Variants in FBXL18 observed in about 807,000 individuals in gnomAD.
FBXL18 encodes the protein F-box and leucine rich repeat protein 18.
A neutral mutation model predicts 46.0 loss-of-function variants in FBXL18; 36 were observed. That is an observed-to-expected ratio of 0.78 (90% CI 0.60 to 1.03). FBXL18 has a LOEUF of 1.03. Ranked by LOEUF, FBXL18 falls within the 50% of genes least tolerant of loss-of-function variation. FBXL18 has a pLI of 0.00. For missense variants in FBXL18, 977 were observed against 1,004.1 expected, an observed-to-expected ratio of 0.97 and a Z score of 0.36; for synonymous variants, 557 against 465.3, an observed-to-expected ratio of 1.20 and a Z score of -2.54.
chr7:5,472,171 C>A (rs1783437158), downstream of FBXL18, among the ~76,000 whole-genome samples: 1 of 152,146 alleles, frequency 6.6e-6, no homozygotes, highest in African/African-American at 2.4e-5. Context: ...AAGCCGCTGC[C>A]CCCACTACAC....
In FBXL18 at chr7:5,511,992, T is replaced by C. The variant is rs567088354; in HGVS notation, c.18+1665A>G. ...GGCTCACGCCTGTAATCTCAGCACT[T>C]TGGGAGGCCGAAGAGGGTGGATCAC... is the stretch of plus-strand genomic sequence containing the variant. On this transcript the variant is annotated intron_variant, in intron 1 of 4. Coordinates refer to ENST00000382368, the MANE Select transcript of FBXL18 (RefSeq NM_024963.6). Among the ~76,000 whole-genome samples, 5 of 151,188 alleles carry C rather than the reference T, an allele frequency of 3.3e-5. No homozygotes were observed. In the South Asian group the frequency reaches 8.4e-4, roughly 25 times the overall value.
In FBXL18 at chr7:5,477,254, G is replaced by A. The variant is rs1419339881; in HGVS notation, c.*4521C>T. 6.6e-6 allele frequency among the ~76,000 whole-genome samples: 1 copy of A among 152,064 alleles called. No individual in the cohort carries two copies. The highest frequency in any genetic ancestry group is 1.5e-5 in the Non-Finnish European group (1 of 68,030). ...AAATGAGACCCATGACCATCACAAA[G>A]ACCCCCCAGCGTCGTGGTCAAGGCT... On this transcript the variant is annotated 3_prime_UTR_variant, in exon 5 of 5. Transcript: ENST00000382368. This position sits in a 1 kb window ranked among gnomAD's most constrained non-coding sequence, Gnocchi z 4.4.
intron 1 of FBXL18, among the ~76,000 whole-genome samples, chr7:5,512,162 A>G (rs111783036): frequency 6.7e-5 from 10 of 149,400 alleles, no homozygotes; most frequent in South Asian, 2.2e-4. Context: ...GAAGAATGGC[A>G]TGAACCCGGG....
Position 5,491,351 on chromosome 7 carries a change from G to A in FBXL18, c.1880C>T (p.Thr627Ile). 1.2e-6 allele frequency: 2 copies of A among 1,610,766 alleles called. No individual in the cohort carries two copies. Among genetic ancestry groups the A allele is most frequent in the East Asian group, 2.2e-5 (1 of 44,824 alleles). ...QRLCLVSRSG[T>I]LQPDAVLAFM... is the part of the protein sequence containing the mutation. ...GGCCAGCACGGCATCGGGCTGGAGG[G>A]TGCCGCTGCGAGAGACCAGGCACAG... Residue 627 changes from threonine (T) to isoleucine (I), a missense_variant, in exon 4 of 5, where the codon ACC (threonine) becomes ATC (isoleucine). Physicochemically the swap from Thr to Ile is moderately conservative, Grantham distance 89 (BLOSUM62 -1). Transcript: ENST00000382368.
chr7:5,491,074 G>A (rs557174002), intron 4 of FBXL18, among the ~76,000 whole-genome samples, 157 bp downstream of exon 4: 6 of 152,340 alleles, frequency 3.9e-5, no homozygotes, highest in African/African-American at 4.8e-5. Flanking sequence ...AGGCTGGGCC[G>A]TGGGAGACCA....
chr7:5,488,682 T>A (rs1253261937), intron 4 of FBXL18, among the ~76,000 whole-genome samples: 1 of 152,178 alleles, frequency 6.6e-6, no homozygotes, highest in East Asian at 1.9e-4. Context: ...TCCCACTGGC[T>A]GGAGGGCCTG....
intron 4 of FBXL18, among the ~76,000 whole-genome samples, chr7:5,463,694 C>CTATATATATATATATATATATATATA (rs1439946097): frequency 1.6e-5 from 1 of 61,500 alleles, no homozygotes; most frequent in African/African-American, 8.2e-5. Flanking sequence ...TGCCCCTGAA[C>CTATATATATATATATATATATATATA]TATATATATA....
intron 4 of FBXL18, 48 bp from the exon 5 acceptor site, chr7:5,481,979 G>T (rs777234277): frequency 1.3e-6 from 2 of 1,552,716 alleles, no homozygotes; most frequent in Non-Finnish European, 1.7e-6. Context: ...GGCCACGGAG[G>T]GGGCGGAGCC....
chr7:5,510,042 G>A (rs1411055304), intron 1 of FBXL18, among the ~76,000 whole-genome samples: 1 of 152,094 alleles, frequency 6.6e-6, no homozygotes, highest in East Asian at 1.9e-4. Flanking sequence ...TAGCTCATGC[G>A]TGTAATTCCA....
chr7:5,473,261 G>C (rs140929764), downstream of FBXL18, among the ~76,000 whole-genome samples: 331 of 152,210 alleles, frequency 2.2e-3, 2 homozygotes, highest in African/African-American at 7.6e-3. Flanking sequence ...AGGCATTGCT[G>C]AGTCCCTGGC....
At chr7:5,462,510 C>T (rs1344861678) in intron 4 of FBXL18, among the ~76,000 whole-genome samples, 1 of 152,102 alleles carries the variant, frequency 6.6e-6, no homozygotes, top group Admixed American at 6.6e-5. Context: ...CTGGGTCAGG[C>T]GTTGCAGGCA....
rs1393766009 is a variant in FBXL18 at position 5,480,328 on chromosome 7, C to T, written c.*1447G>A. 6.6e-6 allele frequency: 1 copy of T among 152,142 alleles called. No homozygotes were observed. Among genetic ancestry groups the T allele is most frequent in the Non-Finnish European group, 1.5e-5 (1 of 68,046 alleles). The allele number at this position is 152,142 out of a possible 1,614,324, so 9.4% of individuals were successfully genotyped here. On this transcript the variant is annotated 3_prime_UTR_variant, in exon 5 of 5. Transcript: ENST00000382368. ...TTGGAAGCCACTGGCCCAGGGACAG[C>T]TCTAGGAGCGCCTGGAGGTGGAGGA...
chr7:5,489,270 G>A (rs757836505), intron 4 of FBXL18: 1 of 518,936 alleles, frequency 1.9e-6, no homozygotes, highest in Non-Finnish European at 3.8e-6. Flanking sequence ...AACAATATGA[G>A]AACCCTATCT....
At position 5,500,777 on chromosome 7, in the gene FBXL18, CGGA is replaced by C. The variant is rs1453849015; in HGVS notation, c.1489_1491del (p.Ser497del). On this transcript the variant is annotated inframe_deletion, in exon 3 of 5. Coordinates refer to ENST00000382368, the MANE Select transcript of FBXL18 (RefSeq NM_024963.6). ...ATGGCGGGCTCGTTGCGGGGCATGG[CGGA>C]GGAGAAGTTGGACCCAATCAGCTCG... The C allele has an allele frequency of 6.8e-6, 11 of 1,612,492 alleles. No individual in the cohort carries two copies. The highest frequency in any genetic ancestry group is 6.7e-5 in the East Asian group (3 of 44,856).
At chr7:5,475,331 TAATAA>T (rs1194391773), downstream of FBXL18, among the ~76,000 whole-genome samples, 1 of 151,926 alleles carries the variant, frequency 6.6e-6, no homozygotes, top group Non-Finnish European at 1.5e-5. The surrounding 1 kb of genome is among the most constrained non-coding windows in gnomAD (Gnocchi z 4.2). Context: ...CAAAAAATAA[TAATAA>T]AATAAAATGA....
At chr7:5,487,203 G>C (rs1179995343) in intron 4 of FBXL18, among the ~76,000 whole-genome samples, 1 of 152,256 alleles carries the variant, frequency 6.6e-6, no homozygotes, top group Admixed American at 6.5e-5. Context: ...TGGGACCTGC[G>C]GCTCGGGCCA....
chr7:5,501,496 G>C lies in FBXL18; in HGVS notation c.773C>G (p.Thr258Ser). 2 of 1,613,958 alleles carry C rather than the reference G, an allele frequency of 1.2e-6. No individual in the cohort carries two copies. The highest frequency in any genetic ancestry group is 1.1e-5 in the South Asian group (1 of 91,082). The change falls in exon 3 of 5, where the codon ACT becomes AGT. Residue 258 changes from threonine to serine, a missense_variant. Coordinates refer to ENST00000382368, the MANE Select transcript of FBXL18 (RefSeq NM_024963.6). Reference sequence around the variant, plus strand: ...GAGGAAGGCGTGGAGGTTCTGAGGAGTGCGGTCGCTAAGCACAGCCAGGTA... The same window carrying C: ...GAGGAAGGCGTGGAGGTTCTGAGGACTGCGGTCGCTAAGCACAGCCAGGTA... ...RLYLAVLSDRTPQNLHAFLIS... is the reference protein window; with the variant it reads ...RLYLAVLSDRSPQNLHAFLIS...
intron 1 of FBXL18, among the ~76,000 whole-genome samples, chr7:5,508,909 G>C (rs1239273763): frequency 6.6e-6 from 1 of 152,142 alleles, no homozygotes; most frequent in Admixed American, 6.6e-5. Context: ...CACTGGGCCA[G>C]ACGCTGTAAT....
chr7:5,512,524 G>T (rs892291073), intron 1 of FBXL18, among the ~76,000 whole-genome samples: 1 of 152,100 alleles, frequency 6.6e-6, no homozygotes, highest in Non-Finnish European at 1.5e-5. Flanking sequence ...CTGAGAAGGG[G>T]AATCGCTTGA....
Sources: gnomAD v4.1 joint callset for allele counts (sites outside exome capture counted in the v4.1 genomes callset) on GRCh38, gnomAD v4.1.1 for gene constraint, Gnocchi (gnomAD v3.1) non-coding constraint, MANE v1.5 for transcripts, NCBI Gene and HGNC (gene_info 2026-07-23, HGNC 2026-07-21) for gene names.